Variants in ZFP82 observed in about 807,000 individuals in gnomAD.
The protein encoded by ZFP82 is ZFP82 zinc finger protein, also known as zinc finger protein 82 homolog.
ZFP82 carries 30 observed loss-of-function variants against 54.0 expected under a neutral mutation model. That is an observed-to-expected ratio of 0.56 (90% CI 0.42 to 0.75). The LOEUF (loss-of-function observed/expected upper bound fraction) is 0.75, where lower values mean the gene tolerates loss of function less well. ZFP82 is among the 30% of genes least tolerant of loss of function. The pLI, the probability that ZFP82 is intolerant of heterozygous loss-of-function variation, is 0.00. For missense variants in ZFP82, 500 were observed against 636.8 expected (o/e 0.79, Z 2.31); for synonymous variants, 194 against 209.5 (o/e 0.93, Z 0.64).
chr19:36,409,865 G>T lies in ZFP82; in HGVS notation c.-76C>A. On this transcript the variant is annotated splice_region_variant and 5_prime_UTR_variant, in exon 2 of 5. Coordinates refer to ENST00000392161, the MANE Select transcript of ZFP82 (RefSeq NM_133466.4). ...GAGAAGCACCGAGTCCACAGAGGCT[G>T]ATCTAGGGAGAGGAAAACAAGGCCA... 2 of 1,521,104 alleles carry T rather than the reference G, an allele frequency of 1.3e-6. No individual in the cohort carries two copies. Among genetic ancestry groups the T allele is most frequent in the South Asian group, 1.1e-5 (1 of 88,324 alleles). The allele number at this position is 1,521,104 out of a possible 1,614,324, so 94.2% of individuals were successfully genotyped here. A position where few individuals can be genotyped will look rare whatever the true frequency, so the allele number is the denominator to read the frequency against.
intron 4 of ZFP82, 52 bp downstream of exon 4, chr19:36,405,528 T>G: frequency 7.4e-7 from 1 of 1,347,116 alleles, no homozygotes; most frequent in Non-Finnish European, 1.1e-6. Context: ...TCTTCCCCAG[T>G]GATCTGGGGT....
Position 36,407,875 on chromosome 19 carries a change from A to C in ZFP82, c.136+12T>G. The C allele has an allele frequency of 1.9e-6, 3 of 1,612,866 alleles. No homozygotes were observed. The highest frequency in any genetic ancestry group is 2.5e-6 in the Non-Finnish European group (3 of 1,179,306). The stretch of plus-strand genomic sequence containing the variant: ...GAACACAGTCTAAATTCCTAGAAGC[A>C]GATAACCTTACCCAGTGAGACCAAG... On this transcript the variant is annotated intron_variant, in intron 3 of 4. Coordinates refer to ENST00000392161, the MANE Select transcript of ZFP82 (RefSeq NM_133466.4).
chr19:36,403,840 C>T (rs1392996595), intron 4 of ZFP82, among the ~76,000 whole-genome samples: 2 of 149,268 alleles, frequency 1.3e-5, no homozygotes, highest in Non-Finnish European at 3.0e-5. Context: ...TCATATGAAA[C>T]TTTAGTTGCT....
chr19:36,383,319 A>G (rs568474388), exon 2 of ZFP82: 2 of 152,330 alleles, frequency 1.3e-5, no homozygotes, highest in East Asian at 3.9e-4. Context: ...TAATGACTAC[A>G]GTACAACTTG....
chr19:36,392,739 T>C lies in ZFP82; in HGVS notation c.*2A>G, dbSNP rs2032222395. The stretch of plus-strand genomic sequence containing the variant: ...TATAACACAGAAGTTGAAAAGACTT[T>C]CTTAGATTTTTACATTATGAATTTT... On this transcript the variant is annotated 3_prime_UTR_variant, in exon 5 of 5. Transcript: ENST00000392161. 6.5e-7 allele frequency: 1 copy of C among 1,547,174 alleles called. No homozygotes were observed. The highest frequency in any genetic ancestry group is 1.4e-5 in the African/African-American group (1 of 72,498).
rs1468304394 is a variant in ZFP82 at position 36,390,995 on chromosome 19, C to T, written c.*1746G>A. ...GTGTTAGCCAGGATGGTCTTGATCT[C>T]CTGACCTCACGATCCACCTGCCTCG... On this transcript the variant is annotated 3_prime_UTR_variant, in exon 5 of 5. Transcript: ENST00000392161. The T allele has an allele frequency of 6.6e-6, 1 of 152,232 alleles. No homozygotes were observed. Among genetic ancestry groups the T allele is most frequent in the Non-Finnish European group, 1.5e-5 (1 of 68,144 alleles). 9.4% of individuals were successfully genotyped at this position (152,232 alleles called of 1,614,324 possible).
chr19:36,387,835 A>G (rs2032132891), downstream of ZFP82, among the ~76,000 whole-genome samples: 1 of 152,188 alleles, frequency 6.6e-6, no homozygotes, highest in African/African-American at 2.4e-5. Context: ...GCTGGTCTCA[A>G]ACTCCTAACC....
intron 1 of ZFP82, among the ~76,000 whole-genome samples, chr19:36,410,344 T>C (rs566709005): frequency 6.6e-6 from 1 of 152,170 alleles, no homozygotes; most frequent in Non-Finnish European, 1.5e-5. Flanking sequence ...CAACCTAGGC[T>C]GAACAGGCAT....
At chr19:36,395,168 C>T (rs2032272688) in intron 4 of ZFP82, 1 of 152,212 alleles carries the variant, frequency 6.6e-6, no homozygotes, top group Non-Finnish European at 1.5e-5. Context: ...ATGCAGTGCA[C>T]TGCCCATTTG....
At chr19:36,394,396 C>T (rs1360339550) in intron 4 of ZFP82, 4 of 342,408 alleles carry the variant, frequency 1.2e-5, no homozygotes, top group African/African-American at 2.2e-5. Context: ...GAGGTTTAGA[C>T]ACCACCCAAA....
downstream of ZFP82, among the ~76,000 whole-genome samples, chr19:36,387,574 C>A (rs536185276): frequency 1.3e-5 from 2 of 152,172 alleles, no homozygotes; most frequent in Non-Finnish European, 2.9e-5. Flanking sequence ...CCCTTCAGAA[C>A]TGCGAGCCAA....
At chr19:36,400,832 C>A (rs953288269) in intron 4 of ZFP82, among the ~76,000 whole-genome samples, 8 of 152,168 alleles carry the variant, frequency 5.3e-5, no homozygotes, top group Admixed American at 1.3e-4. Context: ...ATACATAATT[C>A]CTCCAGAGTT....
At chr19:36,417,802 C>CTG (rs1313613555) in intron 1 of ZFP82, among the ~76,000 whole-genome samples, 16 of 152,288 alleles carry the variant, frequency 1.1e-4, no homozygotes, top group African/African-American at 3.4e-4. Context: ...CAGCTGGACT[C>CTG]TTCAGAGTTG....
Position 36,407,923 on chromosome 19 carries a change from C to T in ZFP82, c.100G>A (p.Val34Ile). ...DLEQKDLYRD[V>I]MLENYSNLVS... is the part of the protein sequence containing the mutation. ...AAGTTGCTGTAGTTCTCCAACATGA[C>T]ATCTCTGTACAAGTCCTTTTGTTCC... Residue 34 changes from valine (V) to isoleucine (I), a missense_variant, in exon 3 of 5, where the codon GTC (valine) becomes ATC (isoleucine). Val to Ile is a conservative substitution (Grantham distance 29). Coordinates refer to ENST00000392161, the MANE Select transcript of ZFP82 (RefSeq NM_133466.4). The T allele has an allele frequency of 6.2e-7, 1 of 1,614,128 alleles. No homozygotes were observed. Among genetic ancestry groups the T allele is most frequent in the Non-Finnish European group, 8.5e-7 (1 of 1,179,966 alleles).
chr19:36,405,308 A>G (rs1194387656), intron 4 of ZFP82, among the ~76,000 whole-genome samples: 2 of 152,296 alleles, frequency 1.3e-5, no homozygotes, highest in Non-Finnish European at 1.5e-5. Context: ...GGAGGAGGAA[A>G]ACTAGAGAGA....
intron 4 of ZFP82, among the ~76,000 whole-genome samples, chr19:36,398,553 T>A (rs535663284): frequency 1.3e-4 from 19 of 142,198 alleles, no homozygotes; most frequent in East Asian, 6.1e-4. Context: ...AAAAAAAAAA[T>A]GTTTCAATGG....
downstream of ZFP82, among the ~76,000 whole-genome samples, chr19:36,388,220 T>C (rs1465958818): frequency 2.6e-5 from 4 of 152,206 alleles, no homozygotes; most frequent in East Asian, 3.8e-4. Flanking sequence ...TTGAGTTCAA[T>C]TTACTGATAC....
At chr19:36,409,128 C>T (rs577850368) in intron 2 of ZFP82, among the ~76,000 whole-genome samples, 3 of 152,268 alleles carry the variant, frequency 2.0e-5, no homozygotes, top group African/African-American at 7.2e-5. Flanking sequence ...CTGAGTGTAA[C>T]TCAGGAATTC....
chr19:36,396,695 A>G (rs1446376622), intron 4 of ZFP82, among the ~76,000 whole-genome samples: 3 of 151,974 alleles, frequency 2.0e-5, no homozygotes, highest in African/African-American at 4.8e-5. Flanking sequence ...TTAAAAAATT[A>G]GCTGGGCATG....
Sources: gnomAD v4.1 joint callset for allele counts (sites outside exome capture counted in the v4.1 genomes callset) on GRCh38, gnomAD v4.1.1 for gene constraint, MANE v1.5 for transcripts, NCBI Gene and HGNC (gene_info 2026-07-23, HGNC 2026-07-21) for gene names.